The following ADAD1 variants were observed in gnomAD, a reference collection of about 807,000 sequenced individuals.
ADAD1 encodes adenosine deaminase domain containing 1, also known as adenosine deaminase domain-containing protein 1.
ADAD1 carries 46 observed loss-of-function variants against 66.8 expected under a neutral mutation model. The ratio of observed to expected loss-of-function variants is 0.69; its 90% CI spans 0.54 to 0.88. ADAD1 has a LOEUF of 0.88. Among genes scored for constraint, ADAD1 ranks in the 40% least tolerant of loss-of-function variants. The probability of loss-of-function intolerance (pLI) is 0.00; values close to 1 mark genes in which losing one functional copy is unlikely to be tolerated. For synonymous variants in ADAD1, 248 were observed against 229.4 expected, an observed-to-expected ratio of 1.08 and a Z score of -0.73; for missense variants, 617 against 681.8, an observed-to-expected ratio of 0.91 and a Z score of 1.06.
Position 122,421,312 on chromosome 4 carries a change from A to T in ADAD1, c.1539A>T (p.Ala513=). The stretch of plus-strand genomic sequence containing the variant: ...TGGCAAGTCGGCTTTGTAAGGCTGC[A>T]ATGTTAAGTCGGTTTAACCTGCTTG... ...MSMASRLCKA[A]MLSRFNLLAK... Residue 513 remains alanine, a synonymous_variant, in exon 12 of 13, where the codon GCA becomes GCT. Coordinates refer to ENST00000296513, the MANE Select transcript of ADAD1 (RefSeq NM_139243.4). 1 of 1,606,906 alleles carries T rather than the reference A, an allele frequency of 6.2e-7. No individual in the cohort carries two copies. The highest frequency in any genetic ancestry group is 1.1e-5 in the South Asian group (1 of 90,174).
At position 122,415,382 on chromosome 4, in the gene ADAD1, A is replaced by T. The variant is rs547782747; in HGVS notation, c.1253A>T (p.Asp418Val). The change falls in exon 11 of 13, where the codon GAT (aspartate) becomes GTT (valine). Residue 418 changes from aspartate (D) to valine (V), a missense_variant. Transcript: ENST00000296513. ...GTGTTTTGTTTTTGCTTTCTAGGTG[A>T]TGGGAATTGCAGTGATACCAGAGGC... is the stretch of plus-strand genomic sequence containing the variant. Reference protein sequence around the residue: ...PVYISSILIGDGNCSDTRGLE... With the variant: ...PVYISSILIGVGNCSDTRGLE... 1 of 1,607,680 alleles carries T rather than the reference A, an allele frequency of 6.2e-7. No individual in the cohort carries two copies.
chr4:122,416,281 T>C (rs1362566002), intron 11 of ADAD1, among the ~76,000 whole-genome samples: 2 of 152,218 alleles, frequency 1.3e-5, no homozygotes, highest in Non-Finnish European at 2.9e-5. Flanking sequence ...TAGACATTTC[T>C]TCGTAATGTC....
chr4:122,382,660 C>G (rs1373626990), intron 4 of ADAD1, among the ~76,000 whole-genome samples: 1 of 152,112 alleles, frequency 6.6e-6, no homozygotes, highest in Admixed American at 6.5e-5. Context: ...ATCAAGAGAT[C>G]CTCCAACCTC....
chr4:122,425,006 A>C (rs2150609452), intron 12 of ADAD1, among the ~76,000 whole-genome samples: 1 of 152,236 alleles, frequency 6.6e-6, no homozygotes, highest in Non-Finnish European at 1.5e-5. Context: ...AGGTCAATAC[A>C]TCAGAAAGAT....
At position 122,414,281 on chromosome 4, in the gene ADAD1, G is replaced by GT. The variant is rs796328024; in HGVS notation, c.1250-1098_1250-1097insT. Among the ~76,000 whole-genome samples the GT allele has an allele frequency of 1.8e-3, 224 of 123,952 alleles. 7 individuals carry two copies. Among genetic ancestry groups the GT allele is most frequent in the African/African-American group, 6.2e-3 (212 of 34,248 alleles). The allele number at this position is 123,952 out of a possible 152,430, so 81.3% of individuals were successfully genotyped here. A position where few individuals can be genotyped will look rare whatever the true frequency, so the allele number is the denominator to read the frequency against. On this transcript the variant is annotated intron_variant, in intron 10 of 12. Transcript: ENST00000296513. ...TTCCAAATGTCTTTTTTTTTGGGGGGGGGGGTACAACTACTGTCATTATTT... is the reference window on the plus strand; with the variant it reads ...TTCCAAATGTCTTTTTTTTTGGGGGGTGGGGGTACAACTACTGTCATTATTT...
At chr4:122,383,279 A>G (rs1389013145) in intron 4 of ADAD1, among the ~76,000 whole-genome samples, 5 of 152,148 alleles carry the variant, frequency 3.3e-5, no homozygotes, top group African/African-American at 7.2e-5. Flanking sequence ...TGAGTTGCTT[A>G]TAATGCCCTG....
intron 7 of ADAD1, among the ~76,000 whole-genome samples, chr4:122,399,143 G>A (rs978767672): frequency 6.6e-6 from 1 of 152,058 alleles, no homozygotes; most frequent in Non-Finnish European, 1.5e-5. Context: ...GTTGATTTTT[G>A]TATAAGGTGA....
intron 4 of ADAD1, 30 bp from the exon 5 acceptor site, chr4:122,383,769 T>C (rs759735464): frequency 1.5e-5 from 24 of 1,557,430 alleles, no homozygotes; most frequent in Non-Finnish European, 2.1e-5. Flanking sequence ...TAAAAATTAT[T>C]GTAGCATTCA....
At position 122,393,635 on chromosome 4, in the gene ADAD1, A is replaced by G. The variant is rs148365339; in HGVS notation, c.576A>G (p.Ala192=). 2.1e-4 allele frequency: 340 copies of G among 1,602,828 alleles called. 1 individual carries two copies. The African/African-American group carries it at 4.0e-3, about 19-fold the overall frequency. Residue 192 remains alanine (A), a synonymous_variant, in exon 6 of 13, where the codon GCA becomes GCG. Transcript: ENST00000296513. ...PAEPVVLSEL[A]YVSKVHYEGR... The stretch of plus-strand genomic sequence containing the variant: ...AACCTGTTGTTTTATCTGAACTAGC[A>G]TATGTTTCAAAAGTACATTATGGTA...
intron 10 of ADAD1, 150 bp from the exon 11 acceptor site, chr4:122,415,229 G>A (rs1796674631): frequency 4.9e-6 from 3 of 615,660 alleles, no homozygotes; most frequent in Admixed American, 6.3e-5. Flanking sequence ...AGAATATGGA[G>A]TAGATGCTAA....
At chr4:122,410,099 T>C (rs1296279478) in intron 8 of ADAD1, among the ~76,000 whole-genome samples, 3 of 152,216 alleles carry the variant, frequency 2.0e-5, no homozygotes, top group African/African-American at 7.2e-5. Flanking sequence ...CTTTTTGTGT[T>C]GGTGTTTTCT....
chr4:122,414,911 G>A (rs1017500518), intron 10 of ADAD1, among the ~76,000 whole-genome samples: 1 of 152,008 alleles, frequency 6.6e-6, no homozygotes, highest in Admixed American at 6.6e-5. Context: ...TTATTTTGCA[G>A]TGTGAAATTG....
chr4:122,395,533 T>C (rs1225883858), intron 6 of ADAD1, among the ~76,000 whole-genome samples: 5 of 151,762 alleles, frequency 3.3e-5, no homozygotes, highest in Admixed American at 2.0e-4. Context: ...ATACAAAAAT[T>C]AGCCGGGCAT....
At chr4:122,396,504 G>A in intron 7 of ADAD1, 127 bp downstream of exon 7, 1 of 732,666 alleles carries the variant, frequency 1.4e-6, no homozygotes, top group South Asian at 3.2e-5. Context: ...AGTAAGTGTG[G>A]GTCATTAAAC....
chr4:122,389,712 T>C (rs903424521), intron 5 of ADAD1, among the ~76,000 whole-genome samples: 1 of 152,202 alleles, frequency 6.6e-6, no homozygotes, highest in Non-Finnish European at 1.5e-5. Flanking sequence ...ACTTGGTAGA[T>C]TTTCCTCCAT....
At chr4:122,400,130 T>C (rs904312702) in intron 7 of ADAD1, among the ~76,000 whole-genome samples, 2 of 152,142 alleles carry the variant, frequency 1.3e-5, no homozygotes, top group African/African-American at 4.8e-5. Context: ...CAGTATAATG[T>C]TGGCTGTGTG....
chr4:122,403,083 A>T (rs141325647), intron 7 of ADAD1, among the ~76,000 whole-genome samples: 1,741 of 152,114 alleles, frequency 0.011, 28 homozygotes, highest in African/African-American at 0.039. Flanking sequence ...ATATTACCAG[A>T]TTTACTTTTC....
intron 8 of ADAD1, among the ~76,000 whole-genome samples, chr4:122,409,853 C>T (rs1706480216): frequency 6.6e-6 from 1 of 152,218 alleles, no homozygotes; most frequent in South Asian, 2.1e-4. Context: ...GCACCTGCCA[C>T]CATACCCGGC....
At chr4:122,423,141 T>C (rs1797083528) in intron 12 of ADAD1, among the ~76,000 whole-genome samples, 1 of 152,156 alleles carries the variant, frequency 6.6e-6, no homozygotes, top group South Asian at 2.1e-4. Context: ...CCAGTGAGGC[T>C]ACCACCAAAA....
Sources: allele counts gnomAD v4.1 joint callset (sites outside exome capture counted in the v4.1 genomes callset), GRCh38; gene constraint gnomAD v4.1.1; transcripts MANE v1.5; gene names NCBI Gene and HGNC (gene_info 2026-07-23, HGNC 2026-07-21).